Variants in LEMD1 observed in about 807,000 individuals in gnomAD.
LEMD1 encodes LEM domain-containing protein 1.
Under a neutral mutation model 17.4 loss-of-function variants are expected in LEMD1, and 18 were observed. The observed-to-expected ratio is 1.04, with a 90% CI of 0.72 to 1.54. The LOEUF (loss-of-function observed/expected upper bound fraction) is 1.54, where lower values mean the gene tolerates loss of function less well. Ranked by LOEUF, LEMD1 falls within the 40% of genes most tolerant of loss-of-function variation. The pLI is 0.00. For synonymous variants in LEMD1, 88 were observed against 77.8 expected (o/e 1.13, Z -0.69); for missense variants, 195 against 210.4 (o/e 0.93, Z 0.45).
intron 5 of LEMD1, chr1:205,382,107 T>A (rs1452627381): frequency 2.1e-6 from 1 of 477,878 alleles, no homozygotes; most frequent in African/African-American, 2.0e-5. Flanking sequence ...GCTCAAGACA[T>A]CCTCCCACGT....
In LEMD1 at chr1:205,418,015, G is replaced by A. The variant is rs559560178; in HGVS notation, c.205+1215C>T. On this transcript the variant is annotated intron_variant, in intron 3 of 5. Coordinates refer to ENST00000367153, the MANE Select transcript of LEMD1 (RefSeq NM_001199050.2). ...TGCTATGTGCCTGGAACTGTTCCAG[G>A]AGCTGGACACAGAGTGGTGACAAAG... Among the ~76,000 whole-genome samples, 203 of 151,824 alleles carry A rather than the reference G, an allele frequency of 1.3e-3. 1 individual carries two copies. The highest frequency in any genetic ancestry group is 2.1e-3 in the Non-Finnish European group (146 of 67,982).
chr1:205,406,814 G>A (rs1394566779), intron 4 of LEMD1, among the ~76,000 whole-genome samples: 2 of 152,220 alleles, frequency 1.3e-5, no homozygotes, highest in East Asian at 1.9e-4. Context: ...CACGCTGGGA[G>A]CTGTAGACAG....
rs1366822937 is a variant in LEMD1, at chr1:205,419,907, C to T, written c.82+548G>A. Among the ~76,000 whole-genome samples the T allele has an allele frequency of 4.6e-5, 7 of 152,298 alleles. No homozygotes were observed. The South Asian group carries it at 6.2e-4, about 14-fold the overall frequency. On this transcript the variant is annotated intron_variant, in intron 2 of 5. Coordinates refer to ENST00000367153, the MANE Select transcript of LEMD1 (RefSeq NM_001199050.2). ...GAGAACACAGACAAGGCTGTGCATCCTATCTATGGGGAATACAGATAATAA... is the reference window on the plus strand; with the variant it reads ...GAGAACACAGACAAGGCTGTGCATCTTATCTATGGGGAATACAGATAATAA...
chr1:205,411,569 AG>A (rs1665437966), intron 4 of LEMD1, among the ~76,000 whole-genome samples: 1 of 148,128 alleles, frequency 6.8e-6, no homozygotes, highest in African/African-American at 2.5e-5. Flanking sequence ...AAAAAAAAAA[AG>A]AAAGAAGGAG....
intron 1 of LEMD1, among the ~76,000 whole-genome samples, chr1:205,431,346 C>T (rs1348423864): frequency 6.6e-6 from 1 of 152,210 alleles, no homozygotes; most frequent in African/African-American, 2.4e-5. Context: ...ATTTTTTCAA[C>T]GAACCTTCCA....
At position 205,417,281 on chromosome 1, in the gene LEMD1, G is replaced by A. The variant is rs148180335; in HGVS notation, c.206-985C>T. Among the ~76,000 whole-genome samples, 17 of 152,328 alleles carry A rather than the reference G, an allele frequency of 1.1e-4. No homozygotes were observed. In the East Asian group the frequency reaches 3.1e-3, roughly 28 times the overall value. ...GATCAGGTAGGCACTATCTAAAGCA[G>A]TGGCAAACCTTATAAACAGAAGGAC... is the stretch of plus-strand genomic sequence containing the variant. On this transcript the variant is annotated intron_variant, in intron 3 of 5. Transcript: ENST00000367153.
intron 4 of LEMD1, among the ~76,000 whole-genome samples, chr1:205,408,157 G>T (rs1005894208): frequency 1.3e-5 from 2 of 152,296 alleles, no homozygotes; most frequent in East Asian, 3.9e-4. Flanking sequence ...CTTGCATGGG[G>T]TCTGAGTACT....
intron 4 of LEMD1, among the ~76,000 whole-genome samples, chr1:205,410,186 T>C (rs1427558475): frequency 6.6e-6 from 1 of 152,224 alleles, no homozygotes; most frequent in East Asian, 1.9e-4. Flanking sequence ...CCTCCCAAAG[T>C]GCCAATATTA....
At chr1:205,422,688 A>G (rs2102446783), upstream of LEMD1, among the ~76,000 whole-genome samples, 1 of 152,336 alleles carries the variant, frequency 6.6e-6, no homozygotes, top group Middle Eastern at 3.4e-3. Flanking sequence ...ATTAGCCTGC[A>G]TCTTTCAAGA....
At chr1:205,417,098 A>C (rs1439420906) in intron 3 of LEMD1, among the ~76,000 whole-genome samples, 3 of 152,206 alleles carry the variant, frequency 2.0e-5, no homozygotes, top group Non-Finnish European at 4.4e-5. Flanking sequence ...TAATGGTACC[A>C]GTGGCTATGA....
intron 4 of LEMD1, among the ~76,000 whole-genome samples, chr1:205,401,611 G>A (rs1254554244): frequency 6.6e-6 from 1 of 152,104 alleles, no homozygotes; most frequent in African/African-American, 2.4e-5. Flanking sequence ...TTTGTCAGAT[G>A]AGTAGGTTGC....
intron 1 of LEMD1, among the ~76,000 whole-genome samples, chr1:205,432,530 T>C (rs959480923): frequency 1.3e-5 from 2 of 152,178 alleles, no homozygotes; most frequent in African/African-American, 4.8e-5. Flanking sequence ...GAGGAAGCAC[T>C]CATGAAATTT....
intron 4 of LEMD1, among the ~76,000 whole-genome samples, chr1:205,402,552 G>A (rs532417541): frequency 5.8e-4 from 88 of 152,280 alleles, no homozygotes; most frequent in African/African-American, 2.0e-3. Flanking sequence ...TTGATTTAGT[G>A]TCCTGAGACT....
intron 1 of LEMD1, among the ~76,000 whole-genome samples, chr1:205,442,520 C>G (rs538184117): frequency 6.6e-6 from 1 of 152,174 alleles, no homozygotes; most frequent in Non-Finnish European, 1.5e-5. Flanking sequence ...GCACAGTGCC[C>G]GGTGGATCCA....
upstream of LEMD1, among the ~76,000 whole-genome samples, chr1:205,423,694 C>T (rs1294249878): frequency 6.6e-6 from 1 of 152,210 alleles, no homozygotes; most frequent in Non-Finnish European, 1.5e-5. Context: ...AATTCCTGTA[C>T]TCTGTGCTAT....
At chr1:205,428,962 T>C (rs897633530) in intron 1 of LEMD1, among the ~76,000 whole-genome samples, 2 of 151,940 alleles carry the variant, frequency 1.3e-5, no homozygotes, top group Non-Finnish European at 2.9e-5. Context: ...AGAGAGGTCA[T>C]GGGAAAAGTC....
intron 1 of LEMD1, among the ~76,000 whole-genome samples, chr1:205,434,354 T>C (rs1412824159): frequency 7.1e-6 from 1 of 141,570 alleles, no homozygotes; most frequent in Non-Finnish European, 1.5e-5. Context: ...AAAAAATATA[T>C]ATATATATTA....
intron 1 of LEMD1, among the ~76,000 whole-genome samples, chr1:205,433,117 G>A (rs1666150357): frequency 6.6e-6 from 1 of 152,190 alleles, no homozygotes; most frequent in Admixed American, 6.5e-5. Flanking sequence ...GGAGCACTTT[G>A]CTTGTACTTT....
intron 4 of LEMD1, among the ~76,000 whole-genome samples, chr1:205,409,389 G>A (rs1423359573): frequency 5.9e-5 from 9 of 152,128 alleles, no homozygotes; most frequent in Admixed American, 5.9e-4. Flanking sequence ...TAATGTTAAT[G>A]ATAATAATAG....
Sources: gnomAD v4.1 joint callset for allele counts (sites outside exome capture counted in the v4.1 genomes callset) on GRCh38, gnomAD v4.1.1 for gene constraint, MANE v1.5 for transcripts, NCBI Gene and HGNC (gene_info 2026-07-23, HGNC 2026-07-21) for gene names.